CNKSR3: variants seen among roughly 807,000 people sequenced by gnomAD.
The protein encoded by CNKSR3 is connector enhancer of kinase suppressor of ras 3.
CNKSR3 carries 36 observed loss-of-function variants against 67.7 expected under a neutral mutation model. The observed-to-expected ratio is 0.53, with a 90% CI of 0.41 to 0.70. CNKSR3 has a LOEUF of 0.70. Ranked by LOEUF, CNKSR3 falls within the 30% of genes least tolerant of loss-of-function variation. CNKSR3 has a pLI of 0.00. For synonymous variants in CNKSR3, 281 were observed against 271.4 expected, an observed-to-expected ratio of 1.04 and a Z score of -0.35; for missense variants, 630 against 695.2, an observed-to-expected ratio of 0.91 and a Z score of 1.05.
intron 1 of CNKSR3, among the ~76,000 whole-genome samples, chr6:154,466,901 A>G (rs1373642173): frequency 6.6e-6 from 1 of 151,760 alleles, no homozygotes; most frequent in East Asian, 1.9e-4. Flanking sequence ...CTGGGATTAG[A>G]GGAGTGAGCT....
chr6:154,452,312 A>G (rs1785853864), intron 1 of CNKSR3, among the ~76,000 whole-genome samples: 1 of 152,260 alleles, frequency 6.6e-6, no homozygotes, highest in African/African-American at 2.4e-5. Context: ...GATTATAAAA[A>G]TTCTTCTCCA....
chr6:154,483,438 A>G (rs1456186627), intron 1 of CNKSR3, among the ~76,000 whole-genome samples: 1 of 152,020 alleles, frequency 6.6e-6, no homozygotes, highest in Admixed American at 6.6e-5. Flanking sequence ...GCCCAGCACT[A>G]CCAATGGGCA....
chr6:154,486,299 CTT>C (rs760666886), intron 1 of CNKSR3, among the ~76,000 whole-genome samples: 27 of 138,646 alleles, frequency 1.9e-4, no homozygotes, highest in East Asian at 4.1e-4. Context: ...CTCTCTTTTT[CTT>C]TTTTTTTTTT....
At chr6:154,457,263 G>A (rs546241905) in intron 1 of CNKSR3, among the ~76,000 whole-genome samples, 7 of 152,278 alleles carry the variant, frequency 4.6e-5, no homozygotes, top group South Asian at 2.1e-4. Flanking sequence ...GTAGGCCTCC[G>A]AGTGCCCTTT....
At position 154,411,031 on chromosome 6, in the gene CNKSR3, T is replaced by C; in HGVS notation, c.1182A>G (p.Arg394=). The C allele has an allele frequency of 6.2e-7, 1 of 1,614,158 alleles. No individual in the cohort carries two copies. The highest frequency in any genetic ancestry group is 8.5e-7 in the Non-Finnish European group (1 of 1,180,010). ...CCGAGTCTGCAATGGTGAATCTTCG[T>C]CTCCGGCTTTCCTGGTCCAAGAAGG... is the stretch of plus-strand genomic sequence containing the variant. ...PNSFLDQESR[R]RRFTIADSDQ... The change falls in exon 11 of 13, where the codon AGA becomes AGG. Residue 394 remains arginine, a synonymous_variant. Coordinates refer to ENST00000607772, the MANE Select transcript of CNKSR3 (RefSeq NM_173515.4).
Position 154,396,197 on chromosome 6 carries a change from C to T in CNKSR3, c.*10157G>A, listed in dbSNP as rs1050142994. On this transcript the variant is annotated 3_prime_UTR_variant, in exon 13 of 13. Coordinates refer to ENST00000607772, the MANE Select transcript of CNKSR3 (RefSeq NM_173515.4). The stretch of plus-strand genomic sequence containing the variant: ...CCTGGCTAATTTGAAACTGCCTGTA[C>T]GAGCTTTAAATGAGTTCTTTGTGGA... 10 of 152,204 alleles carry T rather than the reference C, an allele frequency of 6.6e-5. No individual in the cohort carries two copies. Among genetic ancestry groups the T allele is most frequent in the Admixed American group, 6.5e-5 (1 of 15,282 alleles). 9.4% of individuals were successfully genotyped at this position (152,204 alleles called of 1,614,324 possible).
intron 1 of CNKSR3, among the ~76,000 whole-genome samples, chr6:154,501,777 G>A (rs977690079): frequency 5.9e-5 from 9 of 152,058 alleles, no homozygotes; most frequent in African/African-American, 1.2e-4. Context: ...TGGTGGTGGC[G>A]TTTGTCACCC....
chr6:154,465,786 C>T (rs543755286), intron 1 of CNKSR3, among the ~76,000 whole-genome samples: 1 of 152,242 alleles, frequency 6.6e-6, no homozygotes, highest in South Asian at 2.1e-4. Flanking sequence ...ATGGGTCAGA[C>T]GAGAAAATAC....
intron 1 of CNKSR3, among the ~76,000 whole-genome samples, chr6:154,492,927 G>A (rs141673705): frequency 7.9e-5 from 12 of 152,072 alleles, no homozygotes; most frequent in Admixed American, 1.3e-4. Flanking sequence ...CAGAATACCC[G>A]GAACCTGGCC....
intron 10 of CNKSR3, 124 bp from the exon 11 acceptor site, chr6:154,411,266 A>T (rs1007341853): frequency 5.7e-6 from 4 of 696,318 alleles, no homozygotes; most frequent in Non-Finnish European, 9.5e-6. Context: ...CCACTGGAGG[A>T]AAAGCATTCC....
chr6:154,471,779 T>G (rs1786335176), intron 1 of CNKSR3, among the ~76,000 whole-genome samples: 1 of 152,070 alleles, frequency 6.6e-6, no homozygotes, highest in Non-Finnish European at 1.5e-5. Flanking sequence ...TAACGTAATC[T>G]CTTTACTATC....
chr6:154,420,225 TAAAA>T (rs35213451), intron 9 of CNKSR3, among the ~76,000 whole-genome samples: 19,929 of 145,320 alleles, frequency 0.14, 1,456 homozygotes, highest in East Asian at 0.25. Flanking sequence ...ATGTGGAATC[TAAAA>T]AAAAAAAAAA....
intron 4 of CNKSR3, among the ~76,000 whole-genome samples, chr6:154,438,282 T>A (rs1456577747): frequency 6.6e-6 from 1 of 152,134 alleles, no homozygotes; most frequent in African/African-American, 2.4e-5. Context: ...TCTCTCCCCC[T>A]GCCAGAGTAA....
Position 154,410,569 on chromosome 6 carries a change from G to C in CNKSR3, c.1280-137C>G. ...AGCAATAACAAATTTTAAAATAAAA[G>C]TATTTTAAAGCACTGTATTTCCATA... On this transcript the variant is annotated intron_variant, in intron 11 of 12. Transcript: ENST00000607772. 3 of 622,980 alleles carry C rather than the reference G, an allele frequency of 4.8e-6. No homozygotes were observed. The South Asian group carries it at 6.1e-5, about 13-fold the overall frequency. The allele number at this position is 622,980 out of a possible 1,614,324, so 38.6% of individuals were successfully genotyped here.
chr6:154,428,099 G>A, intron 7 of CNKSR3, 29 bp downstream of exon 7: 2 of 1,458,026 alleles, frequency 1.4e-6, no homozygotes, highest in Non-Finnish European at 9.6e-7. Context: ...ACACACAACA[G>A]ATTTTACACT....
chr6:154,434,661 A>G (rs899616341), intron 4 of CNKSR3, among the ~76,000 whole-genome samples: 4 of 152,228 alleles, frequency 2.6e-5, no homozygotes, highest in Admixed American at 2.6e-4. Context: ...TAAAATTTAT[A>G]CTGACTCTCA....
At chr6:154,428,809 C>T (rs1367303176) in intron 6 of CNKSR3, among the ~76,000 whole-genome samples, 2 of 152,162 alleles carry the variant, frequency 1.3e-5, no homozygotes, top group African/African-American at 2.4e-5. Context: ...GTGTAAGCCA[C>T]CACACCCAGC....
intron 1 of CNKSR3, among the ~76,000 whole-genome samples, chr6:154,474,329 C>T (rs1307838446): frequency 6.6e-6 from 1 of 151,122 alleles, no homozygotes; most frequent in Non-Finnish European, 1.5e-5. Flanking sequence ...AGGGGAATCG[C>T]TTGAACCCGG....
intron 7 of CNKSR3, among the ~76,000 whole-genome samples, chr6:154,425,056 G>A (rs764490332): frequency 6.4e-4 from 97 of 152,298 alleles, no homozygotes; most frequent in Admixed American, 4.8e-3. Context: ...ACAGGCGTGA[G>A]CCACCGCACC....
Sources: allele counts gnomAD v4.1 joint callset (sites outside exome capture counted in the v4.1 genomes callset), GRCh38; gene constraint gnomAD v4.1.1; transcripts MANE v1.5; gene names NCBI Gene and HGNC (gene_info 2026-07-23, HGNC 2026-07-21).